Variants in WASHC2C observed in about 807,000 individuals in gnomAD.
WASHC2C encodes the protein Vaccinia Penetration Factor.
A neutral mutation model predicts 142.2 loss-of-function variants in WASHC2C; 73 were observed. The ratio of observed to expected loss-of-function variants is 0.51; its 90% CI spans 0.43 to 0.62. The LOEUF (loss-of-function observed/expected upper bound fraction) is 0.62, where lower values mean the gene tolerates loss of function less well. Ranked by LOEUF, WASHC2C falls within the 20% of genes least tolerant of loss-of-function variation. WASHC2C has a pLI of 0.00. For missense variants in WASHC2C, 969 were observed against 1,531.7 expected (o/e 0.63, Z 6.13); for synonymous variants, 337 against 565.5 (o/e 0.60, Z 5.73).
intron 18 of WASHC2C, among the ~76,000 whole-genome samples, chr10:45,764,911 A>G (rs1314689439): frequency 6.6e-6 from 1 of 151,912 alleles, no homozygotes. Flanking sequence ...CTCTCCTTAA[A>G]GGAGACTTCA....
intron 25 of WASHC2C, 28 bp from the exon 26 acceptor site, chr10:45,785,481 C>G (rs1159105542): frequency 9.9e-6 from 16 of 1,611,660 alleles, no homozygotes; most frequent in Admixed American, 1.7e-5. Context: ...ATATTTGATG[C>G]CTTTTTGGTA....
At position 45,727,461 on chromosome 10, in the gene WASHC2C, G is replaced by A. The variant is rs765056642; in HGVS notation, c.48G>A (p.Glu16=). The A allele has an allele frequency of 3.1e-6, 5 of 1,610,620 alleles. No homozygotes were observed. In the South Asian group the frequency reaches 5.5e-5, roughly 18 times the overall value. The stretch of plus-strand genomic sequence containing the variant: ...ACCAGGAGCTGGTGCCGGCGTCGGA[G>A]CCCGTGTGGGAGCGGCCGTGGTCGG... ...TPDQELVPAS[E]PVWERPWSVE... Residue 16 remains glutamate, a synonymous_variant, in exon 2 of 31, where the codon GAG becomes GAA. Transcript: ENST00000623400.
intron 21 of WASHC2C, among the ~76,000 whole-genome samples, chr10:45,775,667 C>T (rs1456047987): frequency 6.0e-5 from 9 of 149,486 alleles, no homozygotes; most frequent in Admixed American, 4.7e-4. Flanking sequence ...CCCCTATCAA[C>T]TATTTGCATT....
At chr10:45,755,138 C>T (rs781959620) in intron 15 of WASHC2C, 23 bp downstream of exon 15, 2 of 1,586,278 alleles carry the variant, frequency 1.3e-6, no homozygotes, top group South Asian at 2.3e-5. Context: ...GCCTCCGTTT[C>T]TAGGACTTCA....
At chr10:45,768,604 G>A (rs1464333162) in intron 19 of WASHC2C, among the ~76,000 whole-genome samples, 1 of 152,200 alleles carries the variant, frequency 6.6e-6, no homozygotes, top group Non-Finnish European at 1.5e-5. Context: ...AGGGGTGTGA[G>A]CATAGTTGAG....
In WASHC2C at chr10:45,757,643, G is replaced by A. The variant is rs1467059258; in HGVS notation, c.1548+504G>A. Among the ~76,000 whole-genome samples the A allele has an allele frequency of 4.6e-5, 7 of 151,976 alleles. No homozygotes were observed. In the East Asian group the frequency reaches 5.8e-4, roughly 13 times the overall value. ...TAGAATACAGATTTAAAATTATCTC[G>A]CATATAGTTCATACTGCAATTTCCT... On this transcript the variant is annotated intron_variant, in intron 16 of 30. Coordinates refer to ENST00000623400, the MANE Select transcript of WASHC2C (RefSeq NM_001330074.2).
chr10:45,761,089 G>T (rs570294943), intron 17 of WASHC2C, among the ~76,000 whole-genome samples: 8 of 151,856 alleles, frequency 5.3e-5, no homozygotes, highest in African/African-American at 1.7e-4. Context: ...CTCACAGTTC[G>T]AGAGGTTGAC....
intron 7 of WASHC2C, among the ~76,000 whole-genome samples, chr10:45,745,508 T>G (rs1477651259): frequency 1.3e-5 from 2 of 151,406 alleles, no homozygotes; most frequent in Non-Finnish European, 2.9e-5. Flanking sequence ...AAGGAGACAG[T>G]GTTGTGTATG....
chr10:45,769,916 A>G (rs1399137049), intron 20 of WASHC2C, among the ~76,000 whole-genome samples: 58 of 151,648 alleles, frequency 3.8e-4, no homozygotes, highest in Non-Finnish European at 7.2e-4. Flanking sequence ...GGGCTACTCT[A>G]AAGTATGTCA....
chr10:45,784,290 A>ATATATATATATGTGTGTGTGTG (rs2057831310), intron 23 of WASHC2C, among the ~76,000 whole-genome samples: 1 of 7,248 alleles, frequency 1.4e-4, no homozygotes, highest in Non-Finnish European at 3.3e-4. Flanking sequence ...ATATATATAT[A>ATATATATATATGTGTGTGTGTG]CACATATATA....
At chr10:45,744,608 T>C (rs1477699845) in intron 6 of WASHC2C, among the ~76,000 whole-genome samples, 69 of 152,326 alleles carry the variant, frequency 4.5e-4, no homozygotes, top group African/African-American at 1.6e-3. Context: ...GTTTTTTTTT[T>C]ATTTGTAATG....
intron 10 of WASHC2C, 130 bp from the exon 11 acceptor site, chr10:45,751,338 GTTCAGTGCTCTGGT>G (rs1554874347): frequency 9.1e-7 from 1 of 1,102,890 alleles, no homozygotes; most frequent in Non-Finnish European, 1.3e-6. Context: ...GGGCCAGGGA[GTTCAGTGCTCTGGT>G]GCAGCTGAGA....
rs782546264 is a variant in WASHC2C, at chr10:45,777,406, A to T, written c.2276A>T (p.Asp759Val). The part of the protein sequence containing the change: ...AKESLKFGRT[D>V]VAESEKEGLL... Reference sequence around the variant, plus strand: ...GAGTCATTAAAATTTGGGAGAACTGATGTGGCTGAGTCAGAAAAGGTGGAC... The same window carrying T: ...GAGTCATTAAAATTTGGGAGAACTGTTGTGGCTGAGTCAGAAAAGGTGGAC... The change falls in exon 22 of 31, where the codon GAT (aspartate) becomes GTT (valine). Residue 759 changes from aspartate (D) to valine (V), a missense_variant. By Grantham distance (152) the Asp-to-Val change is radical (BLOSUM62 -3). Transcript: ENST00000623400. 2.5e-6 allele frequency: 4 copies of T among 1,610,080 alleles called. No homozygotes were observed. Among genetic ancestry groups the T allele is most frequent in the Non-Finnish European group, 8.5e-7 (1 of 1,178,392 alleles).
At chr10:45,754,722 T>C (rs1167098025) in intron 14 of WASHC2C, among the ~76,000 whole-genome samples, 177 bp downstream of exon 14, 1 of 152,204 alleles carries the variant, frequency 6.6e-6, no homozygotes, top group Non-Finnish European at 1.5e-5. Context: ...CTCCTAGAGC[T>C]CAGTGGCCTT....
rs2058331742 is a variant in WASHC2C, at chr10:45,790,451, T to A, written c.3804T>A (p.Asp1268Glu). The A allele has an allele frequency of 1.2e-6, 2 of 1,611,088 alleles. No individual in the cohort carries two copies. Among genetic ancestry groups the A allele is most frequent in the South Asian group, 2.2e-5 (2 of 90,908 alleles). The change falls in exon 30 of 31, where the codon GAT becomes GAA. Residue 1268 changes from aspartate (D) to glutamate (E), a missense_variant. Coordinates refer to ENST00000623400, the MANE Select transcript of WASHC2C (RefSeq NM_001330074.2). ...CTAATTTATTTGATGATAACATTGATATCTTTGCTGACTTAACTGTAAAAC... is the reference window on the plus strand; with the variant it reads ...CTAATTTATTTGATGATAACATTGAAATCTTTGCTGACTTAACTGTAAAAC... ...LESNLFDDNI[D>E]IFADLTVKPK...
chr10:45,766,289 G>A (rs1240281872), intron 19 of WASHC2C, among the ~76,000 whole-genome samples: 1 of 152,290 alleles, frequency 6.6e-6, no homozygotes, highest in Non-Finnish European at 1.5e-5. Flanking sequence ...TAGATGAAAG[G>A]GGTGTGACCT....
intron 20 of WASHC2C, among the ~76,000 whole-genome samples, chr10:45,772,846 C>T (rs1285237180): frequency 6.6e-6 from 1 of 152,158 alleles, no homozygotes; most frequent in African/African-American, 2.4e-5. Context: ...AGTGCTAATC[C>T]TGGCCCTGTG....
At chr10:45,773,644 A>T (rs1554885505) in intron 21 of WASHC2C, among the ~76,000 whole-genome samples, 2 of 152,264 alleles carry the variant, frequency 1.3e-5, no homozygotes, top group African/African-American at 4.8e-5. Flanking sequence ...TAGGCCAGTT[A>T]AGGCAAAATC....
chr10:45,749,233 G>A (rs546107491), intron 8 of WASHC2C, among the ~76,000 whole-genome samples: 5 of 151,818 alleles, frequency 3.3e-5, no homozygotes, highest in African/African-American at 4.8e-5. Flanking sequence ...TCAGGAGTTC[G>A]AGACCAGCCT....
Sources: gnomAD v4.1 joint callset for allele counts (sites outside exome capture counted in the v4.1 genomes callset) on GRCh38, gnomAD v4.1.1 for gene constraint, MANE v1.5 for transcripts, NCBI Gene and HGNC (gene_info 2026-07-23, HGNC 2026-07-21) for gene names.